AFF2: variants seen among roughly 807,000 people sequenced by gnomAD.
AFF2 encodes the protein AF4/FMR2 family member 2.
A neutral mutation model predicts 76.9 loss-of-function variants in AFF2; 14 were observed. That is an observed-to-expected ratio of 0.18 (90% CI 0.12 to 0.28). The LOEUF is 0.28. Among genes scored for constraint, AFF2 ranks in the 10% least tolerant of loss-of-function variants. AFF2 has a pLI of 1.00. For missense variants in AFF2, 868 were observed against 1,001.1 expected (o/e 0.87, Z 1.79); for synonymous variants, 398 against 366.7 (o/e 1.09, Z -0.98).
At chrX:148,616,071 A>G (rs2053796699) in intron 1 of AFF2, among the ~76,000 whole-genome samples, 1 of 112,036 alleles carries the variant, frequency 8.9e-6, no homozygotes, top group Non-Finnish European at 1.9e-5. Context: ...TGGTTATTCA[A>G]GCATACAAAC....
rs570483879 is a variant in AFF2, at chrX:148,522,145, C to T, written c.47+21001C>T. ...AAGTTCTGATGCAAAATAGTCAAAT[C>T]ACGGCTGTTACTTGCTTGCCACCTG... On this transcript the variant is annotated intron_variant, in intron 1 of 20. Transcript: ENST00000370460. Among the ~76,000 whole-genome samples the T allele has an allele frequency of 2.5e-4, 28 of 112,526 alleles. No individual in the cohort carries two copies. In the East Asian group the frequency reaches 6.7e-3, roughly 27 times the overall value.
chrX:148,603,272 G>T (rs1557248329), intron 1 of AFF2, among the ~76,000 whole-genome samples: 1 of 111,799 alleles, frequency 8.9e-6, no homozygotes, highest in African/African-American at 3.2e-5. Flanking sequence ...ATTCTTCCCT[G>T]ACTCTGCTCT....
chrX:148,776,840 G>T (rs1557268617), intron 3 of AFF2, among the ~76,000 whole-genome samples: 1 of 111,811 alleles, frequency 8.9e-6, no homozygotes, highest in African/African-American at 3.3e-5. Flanking sequence ...CTTGTGCTGT[G>T]CAGAAGCTTT....
chrX:148,786,467 G>A (rs2069821994), intron 3 of AFF2, among the ~76,000 whole-genome samples: 1 of 111,943 alleles, frequency 8.9e-6, no homozygotes, highest in African/African-American at 3.3e-5. Flanking sequence ...TTTTGGCAGT[G>A]TTAGTATCTT....
intron 9 of AFF2, among the ~76,000 whole-genome samples, chrX:148,934,559 T>G (rs1030302799): frequency 5.3e-5 from 6 of 112,415 alleles, no homozygotes; most frequent in Non-Finnish European, 5.6e-5. Context: ...CATATAAGAA[T>G]TAATTCCAAG....
chrX:148,711,868 T>C (rs2054971413), intron 3 of AFF2, among the ~76,000 whole-genome samples: 2 of 112,234 alleles, frequency 1.8e-5, no homozygotes, highest in South Asian at 3.7e-4. Flanking sequence ...GAGAAATATG[T>C]TCTACATTTT....
In AFF2 at chrX:148,755,693, C is replaced by T. The variant is rs781974366; in HGVS notation, c.1042-54183C>T. The stretch of plus-strand genomic sequence containing the variant: ...TTAAATTATCATACGGTAAAATATC[C>T]AGTGATTATCTGTTATCTATCTATC... On this transcript the variant is annotated intron_variant, in intron 3 of 20. Transcript: ENST00000370460. Among the ~76,000 whole-genome samples, 7 of 111,551 alleles carry T rather than the reference C, an allele frequency of 6.3e-5. No homozygotes were observed. The South Asian group carries it at 2.6e-3, about 42-fold the overall frequency.
intron 3 of AFF2, among the ~76,000 whole-genome samples, chrX:148,792,345 C>T (rs913861229): frequency 6.2e-5 from 7 of 112,549 alleles, no homozygotes; most frequent in Non-Finnish European, 1.3e-4. Flanking sequence ...CCCAGATATT[C>T]AGGAGGCTGA....
At chrX:148,586,619 C>A (rs1557245956) in intron 1 of AFF2, among the ~76,000 whole-genome samples, 1 of 112,013 alleles carries the variant, frequency 8.9e-6, no homozygotes, top group African/African-American at 3.2e-5. Context: ...ACAAAGAATT[C>A]TTCAATATTT....
chrX:148,629,459 G>A (rs1431616469), intron 1 of AFF2, among the ~76,000 whole-genome samples: 3 of 111,746 alleles, frequency 2.7e-5, no homozygotes, highest in Admixed American at 1.9e-4. Flanking sequence ...TTTCCAGTTG[G>A]TAATATGTAA....
chrX:148,698,638 C>T (rs2054749586), intron 3 of AFF2, among the ~76,000 whole-genome samples: 1 of 112,105 alleles, frequency 8.9e-6, no homozygotes, highest in African/African-American at 3.2e-5. Flanking sequence ...TTTGCATAAA[C>T]AAATGTTAAA....
intron 4 of AFF2, among the ~76,000 whole-genome samples, chrX:148,827,046 G>A (rs1322261919): frequency 1.8e-5 from 2 of 111,498 alleles, no homozygotes; most frequent in African/African-American, 6.5e-5. Context: ...ATGTGAATGG[G>A]ACAAACCAGT....
intron 3 of AFF2, among the ~76,000 whole-genome samples, chrX:148,757,401 T>C (rs2069386964): frequency 9.0e-6 from 1 of 111,565 alleles, no homozygotes. Context: ...TGTGTGTCTA[T>C]GTATATGTGT....
At chrX:148,623,499 G>T (rs1324165052) in intron 1 of AFF2, among the ~76,000 whole-genome samples, 1 of 109,095 alleles carries the variant, frequency 9.2e-6, no homozygotes, top group African/African-American at 3.3e-5. Flanking sequence ...ACTGAGAGAA[G>T]AACTTAAATA....
intron 6 of AFF2, 99 bp downstream of exon 6, chrX:148,843,101 AC>A: frequency 1.5e-6 from 1 of 653,000 alleles, no homozygotes; most frequent in Admixed American, 3.3e-5. Context: ...ACATGAAAGA[AC>A]AACAATAACA....
At chrX:148,947,679 T>TC (rs1557286230) in intron 9 of AFF2, among the ~76,000 whole-genome samples, 2 of 111,558 alleles carry the variant, frequency 1.8e-5, no homozygotes, top group Non-Finnish European at 3.8e-5. Context: ...CCTAATGTGA[T>TC]GAGGCAGGCA....
chrX:148,505,955 CTGTGTGTG>C (rs3838386), intron 1 of AFF2, among the ~76,000 whole-genome samples: 1 of 102,422 alleles, frequency 9.8e-6, no homozygotes, highest in Non-Finnish European at 2.0e-5. Context: ...GTGTGTGTGT[CTGTGTGTG>C]TGTGTGTGTG....
intron 1 of AFF2, among the ~76,000 whole-genome samples, chrX:148,571,300 C>T (rs1029522706): frequency 9.9e-5 from 11 of 111,333 alleles, no homozygotes; most frequent in African/African-American, 3.6e-4. Context: ...CACTTCTGCC[C>T]TCCTGCCTAT....
At chrX:148,813,636 G>C (rs1331895872) in intron 4 of AFF2, among the ~76,000 whole-genome samples, 1 of 111,729 alleles carries the variant, frequency 9.0e-6, no homozygotes, top group African/African-American at 3.3e-5. Flanking sequence ...GAGAGGTGAA[G>C]TAATTTGCCT....
Sources: allele counts gnomAD v4.1 joint callset (sites outside exome capture counted in the v4.1 genomes callset), GRCh38; gene constraint gnomAD v4.1.1; transcripts MANE v1.5; gene names NCBI Gene and HGNC (gene_info 2026-07-23, HGNC 2026-07-21).